Variants in GALNT13 observed in about 807,000 individuals in gnomAD.
The protein encoded by GALNT13 is polypeptide N-acetylgalactosaminyltransferase 13, also known as UDP-GalNAc:polypeptide N-acetylgalactosaminyltransferase 13.
A neutral mutation model predicts 64.2 loss-of-function variants in GALNT13; 28 were observed. The observed-to-expected ratio is 0.44, with a 90% CI of 0.32 to 0.60. The LOEUF (loss-of-function observed/expected upper bound fraction) is 0.60, where lower values mean the gene tolerates loss of function less well. Among genes scored for constraint, GALNT13 ranks in the 20% least tolerant of loss-of-function variants. The pLI is 0.05. For synonymous variants in GALNT13, 214 were observed against 224.6 expected (o/e 0.95, Z 0.42); for missense variants, 577 against 669.8 (o/e 0.86, Z 1.53).
the GALNT13 span, among the ~76,000 whole-genome samples, chr2:153,396,506 T>G: frequency 3.9e-5 from 6 of 152,032 alleles, no homozygotes; most frequent in Non-Finnish European, 8.8e-5. Context: ...CTTTTTTTTT[T>G]GGTCTATAAA....
At chr2:153,163,874 C>T in the GALNT13 span, among the ~76,000 whole-genome samples, 3 of 151,980 alleles carry the variant, frequency 2.0e-5, no homozygotes, top group South Asian at 2.1e-4. Context: ...AAAAATTGGC[C>T]GGGCGTGGTG....
At chr2:154,387,651 T>G (rs1698578960) in intron 9 of GALNT13, among the ~76,000 whole-genome samples, 1 of 152,140 alleles carries the variant, frequency 6.6e-6, no homozygotes, top group Admixed American at 6.5e-5. Flanking sequence ...TATTAGAATC[T>G]ACACATAAGT....
At chr2:153,818,794 C>T in the GALNT13 span, among the ~76,000 whole-genome samples, 1 of 152,178 alleles carries the variant, frequency 6.6e-6, no homozygotes, top group Non-Finnish European at 1.5e-5. Context: ...CCTGCTCCAT[C>T]TGAGCATTTT....
the GALNT13 span, among the ~76,000 whole-genome samples, chr2:153,722,987 C>T: frequency 2.0e-5 from 3 of 152,030 alleles, no homozygotes; most frequent in Non-Finnish European, 4.4e-5. Flanking sequence ...CAAAGCCGGG[C>T]AGAGACACAA....
At chr2:153,224,248 G>A in the GALNT13 span, among the ~76,000 whole-genome samples, 1 of 151,980 alleles carries the variant, frequency 6.6e-6, no homozygotes, top group Non-Finnish European at 1.5e-5. Context: ...TCACTTTTAA[G>A]TAGGAGCTAA....
At chr2:153,978,793 G>A (rs564170680) in intron 3 of GALNT13, among the ~76,000 whole-genome samples, 3 of 152,150 alleles carry the variant, frequency 2.0e-5, no homozygotes, top group African/African-American at 7.2e-5. Context: ...AAATTGAGCT[G>A]GGCATGGTGG....
chr2:153,144,077 A>G, the GALNT13 span, among the ~76,000 whole-genome samples: 1 of 151,948 alleles, frequency 6.6e-6, no homozygotes, highest in Admixed American at 6.6e-5. Flanking sequence ...ATAATTGGAT[A>G]TTTGAAAAGC....
chr2:153,443,655 G>A, the GALNT13 span, among the ~76,000 whole-genome samples: 1 of 152,118 alleles, frequency 6.6e-6, no homozygotes, highest in Non-Finnish European at 1.5e-5. Flanking sequence ...AGGTGCGGTG[G>A]CTCACACCTG....
At chr2:154,007,481 A>G (rs1696335817) in intron 3 of GALNT13, among the ~76,000 whole-genome samples, 1 of 152,008 alleles carries the variant, frequency 6.6e-6, no homozygotes, top group African/African-American at 2.4e-5. Context: ...TTTCATTTCT[A>G]AACATTATGT....
At chr2:153,830,967 G>A in the GALNT13 span, among the ~76,000 whole-genome samples, 1 of 152,002 alleles carries the variant, frequency 6.6e-6, no homozygotes, top group African/African-American at 2.4e-5. Flanking sequence ...AAATAAAATT[G>A]GTTTGAAGTG....
the GALNT13 span, among the ~76,000 whole-genome samples, chr2:153,086,937 A>G: frequency 2.6e-4 from 39 of 152,052 alleles, no homozygotes; most frequent in African/African-American, 9.4e-4. Context: ...AACAGTGACA[A>G]TTTGACTTCC....
intron 2 of GALNT13, among the ~76,000 whole-genome samples, chr2:153,918,659 A>G (rs910036005): frequency 6.6e-6 from 1 of 152,112 alleles, no homozygotes; most frequent in African/African-American, 2.4e-5. Flanking sequence ...TCTGGATCCT[A>G]CAGCTATCTG....
the GALNT13 span, among the ~76,000 whole-genome samples, chr2:153,772,877 G>A: frequency 6.6e-6 from 1 of 152,174 alleles, no homozygotes; most frequent in African/African-American, 2.4e-5. Context: ...CTTGTTTTAG[G>A]CTCTCTACAT....
At chr2:154,169,641 G>C (rs751077715) in intron 4 of GALNT13, among the ~76,000 whole-genome samples, 1 of 152,138 alleles carries the variant, frequency 6.6e-6, no homozygotes, top group Admixed American at 6.6e-5. Context: ...TCAGAAGGGG[G>C]CAAGGCTTTG....
At chr2:153,306,574 A>G in the GALNT13 span, among the ~76,000 whole-genome samples, 1 of 152,248 alleles carries the variant, frequency 6.6e-6, no homozygotes, top group Admixed American at 6.5e-5. Flanking sequence ...ACCCAATGCT[A>G]AAGGCAAGTC....
At chr2:153,251,815 G>A in the GALNT13 span, among the ~76,000 whole-genome samples, 1 of 151,620 alleles carries the variant, frequency 6.6e-6, no homozygotes, top group Non-Finnish European at 1.5e-5. Flanking sequence ...ATTTTTTATG[G>A]CTGCATAGTA....
chr2:153,404,041 A>C, the GALNT13 span, among the ~76,000 whole-genome samples: 2 of 152,198 alleles, frequency 1.3e-5, no homozygotes, highest in Non-Finnish European at 2.9e-5. Flanking sequence ...CAAACACTGC[A>C]AATCTCCCCT....
the GALNT13 span, among the ~76,000 whole-genome samples, chr2:153,307,918 T>C: frequency 6.6e-6 from 1 of 152,168 alleles, no homozygotes; most frequent in African/African-American, 2.4e-5. Flanking sequence ...ACATTTATTT[T>C]CATAGTGCAT....
intron 3 of GALNT13, among the ~76,000 whole-genome samples, chr2:154,042,236 A>G (rs1463838811): frequency 7.2e-6 from 1 of 139,800 alleles, no homozygotes; most frequent in Non-Finnish European, 1.6e-5. Context: ...TACCTTGAGC[A>G]TAAAACGGAA....
Sources: gnomAD v4.1 joint callset for allele counts (sites outside exome capture counted in the v4.1 genomes callset) on GRCh38, gnomAD v4.1.1 for gene constraint, MANE v1.5 for transcripts, NCBI Gene and HGNC (gene_info 2026-07-23, HGNC 2026-07-21) for gene names.